The following AVL9 variants were observed in gnomAD, a reference collection of about 807,000 sequenced individuals.
AVL9 encodes the protein late secretory pathway protein AVL9 homolog.
AVL9 carries 49 observed loss-of-function variants against 79.2 expected under a neutral mutation model. The observed-to-expected ratio is 0.62, with a 90% CI of 0.49 to 0.79. The LOEUF is 0.79. AVL9 is among the 30% of genes least tolerant of loss of function. The pLI is 0.00. For missense variants in AVL9, 682 were observed against 776.8 expected, an observed-to-expected ratio of 0.88 and a Z score of 1.45; for synonymous variants, 299 against 280.6, an observed-to-expected ratio of 1.07 and a Z score of -0.65.
At chr7:32,516,337 G>A (rs1255718883) in intron 1 of AVL9, among the ~76,000 whole-genome samples, 1 of 148,926 alleles carries the variant, frequency 6.7e-6, no homozygotes, top group African/African-American at 2.5e-5. Context: ...TTCTAATTCA[G>A]AGGTGCATTC....
chr7:32,532,899 G>T (rs189401286), intron 1 of AVL9: 1 of 152,250 alleles, frequency 6.6e-6, no homozygotes, highest in Admixed American at 6.6e-5. Flanking sequence ...CACGCCTGTA[G>T]TCCCAGCTAC....
chr7:32,517,517 G>C (rs1787957654), intron 1 of AVL9, among the ~76,000 whole-genome samples: 1 of 151,904 alleles, frequency 6.6e-6, no homozygotes, highest in African/African-American at 2.4e-5. Context: ...TCTTGGCCAG[G>C]CTGGTCTTGA....
At chr7:32,551,303 A>G in intron 4 of AVL9, 31 bp from the exon 5 acceptor site, 1 of 1,394,804 alleles carries the variant, frequency 7.2e-7, no homozygotes, top group Non-Finnish European at 1.0e-6. Context: ...CTAATTATTA[A>G]TCAATGGTAA....
chr7:32,574,723 C>CAGCTTGCTTATCCATCTG (rs1554347028), intron 12 of AVL9, among the ~76,000 whole-genome samples: 1 of 151,880 alleles, frequency 6.6e-6, no homozygotes, highest in East Asian at 1.9e-4. Flanking sequence ...CACAGAGGTT[C>CAGCTTGCTTATCCATCTG]ATAAGAGGCT....
chr7:32,563,193 G>A (rs971724156), intron 10 of AVL9, among the ~76,000 whole-genome samples: 6 of 151,812 alleles, frequency 4.0e-5, no homozygotes, highest in African/African-American at 9.7e-5. Flanking sequence ...CACTCTGCCT[G>A]GCTGATTTTT....
Position 32,551,380 on chromosome 7 carries a change from C to T in AVL9, c.419C>T (p.Ala140Val). Residue 140 changes from alanine (A) to valine (V), a missense_variant, in exon 5 of 16, where the codon GCA (alanine) becomes GTA (valine). Coordinates refer to ENST00000318709, the MANE Select transcript of AVL9 (RefSeq NM_015060.3). ...LQAKLQLITH[A>V]YFEEKDFSQI... ...GCAAAACTTCAACTCATTACACATG[C>T]ATATTTTGAAGAGAAGGATTTTTCC... 1 of 1,611,704 alleles carries T rather than the reference C, an allele frequency of 6.2e-7. No homozygotes were observed. Among genetic ancestry groups the T allele is most frequent in the Non-Finnish European group, 8.5e-7 (1 of 1,178,258 alleles).
At chr7:32,502,597 C>T (rs1787191353) in intron 1 of AVL9, among the ~76,000 whole-genome samples, 1 of 152,086 alleles carries the variant, frequency 6.6e-6, no homozygotes, top group South Asian at 2.1e-4. Flanking sequence ...TCTAATTTTT[C>T]ACTATTTTGA....
At chr7:32,573,095 A>AT (rs1790931676) in intron 11 of AVL9, 104 bp from the exon 12 acceptor site, 7 of 837,682 alleles carry the variant, frequency 8.4e-6, no homozygotes, top group South Asian at 4.9e-5. Flanking sequence ...CATTATTCAT[A>AT]TTTTTTATTT....
chr7:32,502,805 T>C (rs1050756867), intron 1 of AVL9, among the ~76,000 whole-genome samples: 7 of 152,306 alleles, frequency 4.6e-5, no homozygotes, highest in African/African-American at 1.7e-4. Context: ...CCGTTTAACA[T>C]AGAGTGATTT....
At chr7:32,580,750 AGAT>A in intron 14 of AVL9, 49 bp from the exon 15 acceptor site, 1 of 1,334,570 alleles carries the variant, frequency 7.5e-7, no homozygotes, top group South Asian at 1.2e-5. Context: ...TGCGTGTGTG[AGAT>A]TTTTTTAAAA....
In AVL9 at chr7:32,586,871, C is replaced by T. The variant is rs1791817186; in HGVS notation, c.*2964C>T. ...GTAAGGAAGAGAGAGTTAAAACTAC[C>T]AGTTGTGGAATAGAAATAGTTGCAT... On this transcript the variant is annotated 3_prime_UTR_variant, in exon 16 of 16. Transcript: ENST00000318709. The T allele has an allele frequency of 6.6e-6, 1 of 152,034 alleles. No individual in the cohort carries two copies. 9.4% of individuals were successfully genotyped at this position (152,034 alleles called of 1,614,324 possible).
At position 32,584,225 on chromosome 7, in the gene AVL9, A is replaced by G. The variant is rs983732663; in HGVS notation, c.*318A>G. 3.4e-6 allele frequency: 1 copy of G among 298,362 alleles called. No homozygotes were observed. Among genetic ancestry groups the G allele is most frequent in the African/African-American group, 2.2e-5 (1 of 46,468 alleles). 18.5% of individuals were successfully genotyped at this position (298,362 alleles called of 1,614,324 possible). Reference sequence around the variant, plus strand: ...GTTTACTTTAGAAGAGTTTTTACTTATGTAAATTTTGTTCTGTTTTGGTGT... The same window carrying G: ...GTTTACTTTAGAAGAGTTTTTACTTGTGTAAATTTTGTTCTGTTTTGGTGT... On this transcript the variant is annotated 3_prime_UTR_variant, in exon 16 of 16. Coordinates refer to ENST00000318709, the MANE Select transcript of AVL9 (RefSeq NM_015060.3).
chr7:32,519,415 G>A (rs1003452878), intron 1 of AVL9, among the ~76,000 whole-genome samples: 3 of 147,448 alleles, frequency 2.0e-5, no homozygotes, highest in Non-Finnish European at 4.5e-5. Flanking sequence ...GCGACAGAGC[G>A]AGACTCTGTC....
At position 32,583,801 on chromosome 7, in the gene AVL9, T is replaced by C. The variant is rs770612593; in HGVS notation, c.1841T>C (p.Val614Ala). The change falls in exon 16 of 16, where the codon GTT becomes GCT. Residue 614 changes from valine (V) to alanine (A), a missense_variant. Physicochemically the swap from Val to Ala is moderately conservative, Grantham distance 64 (BLOSUM62 0). Coordinates refer to ENST00000318709, the MANE Select transcript of AVL9 (RefSeq NM_015060.3). ...VQTGKAVGQSVGGAFSSAKTA... is the reference protein window; with the variant it reads ...VQTGKAVGQSAGGAFSSAKTA... ...TCTCCTCTCCATCCAGGCCAGTCAGTTGGAGGAGCTTTTTCCAGTGCAAAG... is the reference window on the plus strand; with the variant it reads ...TCTCCTCTCCATCCAGGCCAGTCAGCTGGAGGAGCTTTTTCCAGTGCAAAG... The C allele has an allele frequency of 5.6e-6, 9 of 1,612,698 alleles. No individual in the cohort carries two copies. The highest frequency in any genetic ancestry group is 7.6e-6 in the Non-Finnish European group (9 of 1,178,844).
At chr7:32,497,682 A>C (rs1474068768) in intron 1 of AVL9, among the ~76,000 whole-genome samples, 1 of 146,604 alleles carries the variant, frequency 6.8e-6, no homozygotes. Context: ...TTCAGATGGA[A>C]TCTCACTCTC....
At chr7:32,533,046 C>T (rs376940673) in intron 1 of AVL9, 1 of 152,350 alleles carries the variant, frequency 6.6e-6, no homozygotes, top group East Asian at 1.9e-4. Flanking sequence ...GGCACGGTGG[C>T]CTATAATCCC....
At chr7:32,548,289 A>C in intron 3 of AVL9, among the ~76,000 whole-genome samples, 1 of 151,856 alleles carries the variant, frequency 6.6e-6, no homozygotes, top group East Asian at 1.9e-4. Flanking sequence ...CTGGGATTAC[A>C]GGCTTGTGCC....
rs1562802104 is a variant in AVL9 at position 32,579,523 on chromosome 7, AT to A, written c.1689-694del. Among the ~76,000 whole-genome samples the A allele has an allele frequency of 1.9e-3, 11 of 5,866 alleles. 5 individuals are homozygous for A. Among genetic ancestry groups the A allele is most frequent in the Non-Finnish European group, 3.3e-3 (11 of 3,322 alleles). 3.8% of individuals were successfully genotyped at this position (5,866 alleles called of 152,430 possible). On this transcript the variant is annotated intron_variant, in intron 13 of 15. Transcript: ENST00000318709. Reference sequence around the variant, plus strand: ...TTATATATTATATATTATATTATATATTATATATTATATTATATATTATATA... The same window carrying A: ...TTATATATTATATATTATATTATATATATATATTATATTATATATTATATA...
At chr7:32,580,626 T>G (rs1791452483) in intron 14 of AVL9, 176 bp from the exon 15 acceptor site, 1 of 596,806 alleles carries the variant, frequency 1.7e-6, no homozygotes, top group African/African-American at 1.9e-5. Flanking sequence ...TGCACATGCT[T>G]AAAAGGTTAA....
Sources: allele counts gnomAD v4.1 joint callset (sites outside exome capture counted in the v4.1 genomes callset), GRCh38; gene constraint gnomAD v4.1.1; transcripts MANE v1.5; gene names NCBI Gene and HGNC (gene_info 2026-07-23, HGNC 2026-07-21).